The following EIF4E1B variants were observed in gnomAD, a reference collection of about 807,000 sequenced individuals.
EIF4E1B encodes eukaryotic translation initiation factor 4E family member 1B.
In EIF4E1B, 22 loss-of-function variants were observed where a neutral mutation model predicts 31.3. The observed-to-expected ratio is 0.70, with a 90% CI of 0.50 to 1.00. The LOEUF is 1.00. Ranked by LOEUF, EIF4E1B falls within the 50% of genes least tolerant of loss-of-function variation. EIF4E1B has a pLI of 0.00. For synonymous variants in EIF4E1B, 126 were observed against 120.2 expected, an observed-to-expected ratio of 1.05 and a Z score of -0.31; for missense variants, 290 against 311.6, an observed-to-expected ratio of 0.93 and a Z score of 0.52.
At chr5:176,642,985 C>T (rs2113446456) in intron 3 of EIF4E1B, 97 bp from the exon 4 acceptor site, 5 of 1,514,868 alleles carry the variant, frequency 3.3e-6, no homozygotes, top group Middle Eastern at 2.2e-4. Flanking sequence ...TGTGAGTCCC[C>T]TGCCTTCCCC....
In EIF4E1B at chr5:176,645,391, C is replaced by T. The variant is rs770398185; in HGVS notation, c.489C>T (p.Ile163=). ...RLWLETLLCL[I]GESFEEHSRE... is the part of the protein sequence containing the mutation. The stretch of plus-strand genomic sequence containing the variant: ...TTCGGGTCCAGCTGCTGTGTCTGAT[C>T]GGGGAGAGCTTTGAGGAACACAGCA... The change falls in exon 8 of 9, where the codon ATC becomes ATT. Residue 163 remains isoleucine, a synonymous_variant. Coordinates refer to ENST00000318682, the MANE Select transcript of EIF4E1B (RefSeq NM_001099408.2). The surrounding 1 kb of genome is among the most constrained non-coding windows in gnomAD (Gnocchi z 5.4). 7.9e-6 allele frequency: 12 copies of T among 1,528,558 alleles called. No homozygotes were observed. The highest frequency in any genetic ancestry group is 8.8e-6 in the Non-Finnish European group (10 of 1,135,790). 94.7% of individuals were successfully genotyped at this position (1,528,558 alleles called of 1,614,324 possible). A position where few individuals can be genotyped will look rare whatever the true frequency, so the allele number is the denominator to read the frequency against.
rs976166698 is a variant in EIF4E1B at position 176,638,386 on chromosome 5, A to G, written c.-201-3657A>G. On this transcript the variant is annotated intron_variant, in intron 1 of 8. Coordinates refer to ENST00000318682, the MANE Select transcript of EIF4E1B (RefSeq NM_001099408.2). This position sits in a 1 kb window ranked among gnomAD's most constrained non-coding sequence, Gnocchi z 4.3. The stretch of plus-strand genomic sequence containing the variant: ...TTTTGTTCACAGCTGTGCTCCCCAG[A>G]GCCTAAAATGGTGTCCGGCACAAAG... Among the ~76,000 whole-genome samples the G allele has an allele frequency of 6.6e-5, 10 of 152,246 alleles. No individual in the cohort carries two copies. Among genetic ancestry groups the G allele is most frequent in the African/African-American group, 2.4e-4 (10 of 41,468 alleles).
chr5:176,644,150 C>A (rs1484865047), intron 5 of EIF4E1B: 3 of 589,502 alleles, frequency 5.1e-6, no homozygotes, highest in Non-Finnish European at 9.0e-6. Flanking sequence ...ACCAGGGGGT[C>A]TAAAACCCTC....
chr5:176,644,203 A>G (rs1436286347), intron 5 of EIF4E1B, 173 bp from the exon 6 acceptor site: 1 of 665,188 alleles, frequency 1.5e-6, no homozygotes, highest in Non-Finnish European at 2.5e-6. Context: ...CTCTGTGGAA[A>G]AGGTGGGTCT....
intron 1 of EIF4E1B, among the ~76,000 whole-genome samples, chr5:176,634,973 C>T (rs1337574813): frequency 6.6e-6 from 1 of 152,002 alleles, no homozygotes; most frequent in Non-Finnish European, 1.5e-5. Context: ...CAGCCAGATT[C>T]CTGAAGTTTT....
Position 176,640,021 on chromosome 5 carries a change from G to T in EIF4E1B, c.-201-2022G>T, listed in dbSNP as rs370447529. Among the ~76,000 whole-genome samples, 17 of 152,286 alleles carry T rather than the reference G, an allele frequency of 1.1e-4. No individual in the cohort carries two copies. In the East Asian group the frequency reaches 2.3e-3, roughly 21 times the overall value. ...ATTTCTTCAATGCTCCTCCCACTGA[G>T]AGGTGGCAGTATGTCCCCTCCCTTG... is the stretch of plus-strand genomic sequence containing the variant. On this transcript the variant is annotated intron_variant, in intron 1 of 8. Transcript: ENST00000318682.
intron 1 of EIF4E1B, among the ~76,000 whole-genome samples, chr5:176,633,959 A>C (rs1402372067): frequency 1.3e-5 from 2 of 152,170 alleles, no homozygotes; most frequent in African/African-American, 4.8e-5. Context: ...GGACGCCTGA[A>C]CTACAGAAGC....
Position 176,645,711 on chromosome 5 carries a change from A to G in EIF4E1B, c.615-155A>G, listed in dbSNP as rs1760687691. On this transcript the variant is annotated intron_variant, in intron 8 of 8. Coordinates refer to ENST00000318682, the MANE Select transcript of EIF4E1B (RefSeq NM_001099408.2). This position sits in a 1 kb window ranked among gnomAD's most constrained non-coding sequence, Gnocchi z 5.4. ...TACGGCAGTGCAGCTCTCCTTTTGCATTAAGGGGGTCATATTTTGGGTTTC... is the reference window on the plus strand; with the variant it reads ...TACGGCAGTGCAGCTCTCCTTTTGCGTTAAGGGGGTCATATTTTGGGTTTC... The G allele has an allele frequency of 1.0e-5, 11 of 1,088,952 alleles. No homozygotes were observed. Among genetic ancestry groups the G allele is most frequent in the South Asian group, 3.6e-5 (2 of 54,944 alleles). The allele number at this position is 1,088,952 out of a possible 1,614,324, so 67.5% of individuals were successfully genotyped here.
intron 5 of EIF4E1B, chr5:176,644,070 T>G (rs1581187264): frequency 1.8e-6 from 1 of 549,226 alleles, no homozygotes; most frequent in Non-Finnish European, 3.2e-6. Context: ...CTCACGGGAG[T>G]GGCTCTGAAA....
chr5:176,642,882 G>A, intron 3 of EIF4E1B, 80 bp downstream of exon 3: 1 of 1,513,228 alleles, frequency 6.6e-7, no homozygotes, highest in Non-Finnish European at 8.9e-7. Flanking sequence ...GGTGGGCGGG[G>A]CAGGTGCTGG....
intron 5 of EIF4E1B, 112 bp from the exon 6 acceptor site, chr5:176,644,264 G>C: frequency 8.8e-7 from 1 of 1,134,848 alleles, no homozygotes. Context: ...GCCAGTGTAA[G>C]CAAAGGCTTG....
rs567018952 is a variant in EIF4E1B at position 176,640,010 on chromosome 5, C to T, written c.-201-2033C>T. Among the ~76,000 whole-genome samples, 9 of 152,286 alleles carry T rather than the reference C, an allele frequency of 5.9e-5. No homozygotes were observed. In the South Asian group the frequency reaches 8.3e-4, roughly 14 times the overall value. ...CCTCTGTCCAAATTTCTTCAATGCT[C>T]CTCCCACTGAGAGGTGGCAGTATGT... On this transcript the variant is annotated intron_variant, in intron 1 of 8. Transcript: ENST00000318682.
chr5:176,646,205 G>A lies in EIF4E1B; in HGVS notation c.*225G>A. 2.1e-6 allele frequency: 1 copy of A among 478,240 alleles called. No individual in the cohort carries two copies. The allele number at this position is 478,240 out of a possible 1,614,324, so 29.6% of individuals were successfully genotyped here. ...TAGCTTGTCCTGGGGCCACAGGACA[G>A]CAGCAGGGTGGAAAAAACTCCTGAG... On this transcript the variant is annotated 3_prime_UTR_variant, in exon 9 of 9. Coordinates refer to ENST00000318682, the MANE Select transcript of EIF4E1B (RefSeq NM_001099408.2).
intron 1 of EIF4E1B, among the ~76,000 whole-genome samples, chr5:176,637,176 C>A (rs1266296962): frequency 6.6e-6 from 1 of 152,172 alleles, no homozygotes; most frequent in Non-Finnish European, 1.5e-5. Flanking sequence ...TGGTGGCTCA[C>A]CCCTGTAAGC....
rs767588973 is a variant in EIF4E1B at position 176,645,529 on chromosome 5, T to TCTGG, written c.614+15_614+18dup. On this transcript the variant is annotated intron_variant, in intron 8 of 8. Transcript: ENST00000318682. The surrounding 1 kb of genome is among the most constrained non-coding windows in gnomAD (Gnocchi z 5.4). Reference sequence around the variant, plus strand: ...TGCTGCACGTTGGGTGAGGAGGGTCTCTGGCACAGGGTGGGGACTTGGGTC... The same window carrying TCTGG: ...TGCTGCACGTTGGGTGAGGAGGGTCTCTGGCTGGCACAGGGTGGGGACTTGGGTC... 5.3e-6 allele frequency: 8 copies of TCTGG among 1,508,264 alleles called. No individual in the cohort carries two copies. Among genetic ancestry groups the TCTGG allele is most frequent in the Non-Finnish European group, 7.1e-6 (8 of 1,130,070 alleles). The allele number at this position is 1,508,264 out of a possible 1,614,324, so 93.4% of individuals were successfully genotyped here.
intron 1 of EIF4E1B, among the ~76,000 whole-genome samples, chr5:176,640,907 CT>C (rs1402163356): frequency 6.6e-5 from 10 of 152,218 alleles, no homozygotes; most frequent in Non-Finnish European, 1.3e-4. Context: ...TAATTATTTC[CT>C]ATTATTTCTT....
chr5:176,642,635 C>T lies in EIF4E1B; in HGVS notation c.-78-75C>T, dbSNP rs1760597715. 2.3e-6 allele frequency: 3 copies of T among 1,290,206 alleles called. No individual in the cohort carries two copies. In the Admixed American group the frequency reaches 7.7e-5, roughly 33 times the overall value. The allele number at this position is 1,290,206 out of a possible 1,614,324, so 79.9% of individuals were successfully genotyped here. On this transcript the variant is annotated intron_variant, in intron 2 of 8. Transcript: ENST00000318682. ...TCGGCAGGGCCGTCCACCTCACATT[C>T]TGGGGTCACCCTCCACGGGATGCAG...
chr5:176,639,020 C>A (rs997520950), intron 1 of EIF4E1B, among the ~76,000 whole-genome samples: 1 of 152,170 alleles, frequency 6.6e-6, no homozygotes, highest in Non-Finnish European at 1.5e-5. Context: ...AGGCTACTCT[C>A]GAACTCCTGA....
intron 1 of EIF4E1B, among the ~76,000 whole-genome samples, chr5:176,641,421 G>A (rs764657704): frequency 2.0e-5 from 3 of 152,204 alleles, no homozygotes; most frequent in Non-Finnish European, 4.4e-5. Context: ...GCCCAGCAGC[G>A]TGTGATGAGC....
Sources: allele counts gnomAD v4.1 joint callset (sites outside exome capture counted in the v4.1 genomes callset), GRCh38; gene constraint gnomAD v4.1.1; non-coding constraint Gnocchi (gnomAD v3.1); transcripts MANE v1.5; gene names NCBI Gene and HGNC (gene_info 2026-07-23, HGNC 2026-07-21).